The following COL28A1 variants were observed in gnomAD, a reference collection of about 807,000 sequenced individuals.
COL28A1 encodes collagen alpha-1(XXVIII) chain.
In COL28A1, 161 loss-of-function variants were observed where a neutral mutation model predicts 150.2. That is an observed-to-expected ratio of 1.07 (90% confidence interval 0.94 to 1.22). The LOEUF (loss-of-function observed/expected upper bound fraction) is 1.22. Ranked by LOEUF, COL28A1 falls within the 50% of genes most tolerant of loss-of-function variation. The pLI is 0.00. For synonymous variants in COL28A1, 552 were observed against 469.7 expected (o/e 1.18, Z -2.26); for missense variants, 1,617 against 1,388.3 (o/e 1.16, Z -2.62).
At chr7:7,421,165 A>G (rs1467060933) in intron 25 of COL28A1, among the ~76,000 whole-genome samples, 1 of 152,262 alleles carries the variant, frequency 6.6e-6, no homozygotes, top group Non-Finnish European at 1.5e-5. Flanking sequence ...AATAAATGCC[A>G]TAACATGAAT....
chr7:7,364,075 T>C (rs748157569), intron 33 of COL28A1, among the ~76,000 whole-genome samples: 1 of 152,180 alleles, frequency 6.6e-6, no homozygotes, highest in Non-Finnish European at 1.5e-5. Context: ...CTAGGAAAAG[T>C]TGGTCTCCAT....
Position 7,380,680 on chromosome 7 carries a change from T to C in COL28A1, c.2302A>G (p.Lys768Glu). 6.2e-7 allele frequency: 1 copy of C among 1,613,844 alleles called. No homozygotes were observed. Among genetic ancestry groups the C allele is most frequent in the Non-Finnish European group, 8.5e-7 (1 of 1,179,724 alleles). Reference sequence around the variant, plus strand: ...CTCACTGTAAGTCCTAGGTCTCCTTTGGGTCCTTGTAAACCCTACTTAGTG... The same window carrying C: ...CTCACTGTAAGTCCTAGGTCTCCTTCGGGTCCTTGTAAACCCTACTTAGTG... ...SPGKQGLQGP[K>E]GDLGLTKEEI... The change falls in exon 30 of 35, where the codon AAA becomes GAA. Residue 768 changes from lysine (K) to glutamate (E), a missense_variant. Physicochemically the swap from Lys to Glu is moderately conservative, Grantham distance 56. Transcript: ENST00000399429.
chr7:7,456,075 C>T lies in COL28A1; in HGVS notation c.1340G>A (p.Gly447Asp), dbSNP rs954369076. ...CCCTTGACTCCCGATTCCAGGGATA[C>T]CCATTGGTCCTTGGGGTCCCACAGG... ...IGPVGPQGPM[G>D]IPGIGSQGEQ... is the part of the protein sequence containing the mutation. Residue 447 changes from glycine to aspartate, a missense_variant, in exon 16 of 35, where the codon GGT (glycine) becomes GAT (aspartate). Transcript: ENST00000399429. The T allele has an allele frequency of 6.2e-7, 1 of 1,613,878 alleles. No individual in the cohort carries two copies. Among genetic ancestry groups the T allele is most frequent in the African/African-American group, 1.3e-5 (1 of 75,004 alleles).
intron 3 of COL28A1, among the ~76,000 whole-genome samples, chr7:7,525,397 G>A (rs1781967817): frequency 6.6e-6 from 1 of 152,214 alleles, no homozygotes; most frequent in Admixed American, 6.5e-5. Flanking sequence ...TACCTGACAA[G>A]TGCACTGAAG....
At chr7:7,517,587 G>T (rs746187163) in intron 7 of COL28A1, among the ~76,000 whole-genome samples, 3 of 152,104 alleles carry the variant, frequency 2.0e-5, no homozygotes, top group Non-Finnish European at 4.4e-5. Flanking sequence ...GAACACTCCT[G>T]CTCCCATTTT....
intron 27 of COL28A1, among the ~76,000 whole-genome samples, chr7:7,401,979 T>G (rs1005895567): frequency 6.6e-6 from 1 of 152,182 alleles, no homozygotes; most frequent in African/African-American, 2.4e-5. Context: ...ACATGCAGGA[T>G]TCAATGTTAA....
intron 15 of COL28A1, among the ~76,000 whole-genome samples, chr7:7,472,628 C>G (rs890985514): frequency 3.9e-5 from 6 of 152,090 alleles, no homozygotes; most frequent in African/African-American, 1.2e-4. Context: ...ATTGAAATTC[C>G]CATCAGAATA....
chr7:7,434,675 C>T (rs375311957), intron 23 of COL28A1, among the ~76,000 whole-genome samples: 12 of 152,274 alleles, frequency 7.9e-5, no homozygotes, highest in African/African-American at 2.6e-4. Flanking sequence ...GTCCTTGCTC[C>T]TGCAAAAATC....
intron 26 of COL28A1, among the ~76,000 whole-genome samples, chr7:7,418,296 T>C (rs1381324951): frequency 6.6e-6 from 1 of 152,188 alleles, no homozygotes. Context: ...TGGCTCCACA[T>C]AGCCTTAAGA....
intron 16 of COL28A1, among the ~76,000 whole-genome samples, chr7:7,454,475 C>T (rs1786973848): frequency 6.6e-6 from 1 of 151,976 alleles, no homozygotes; most frequent in African/African-American, 2.4e-5. Flanking sequence ...TCTGTAAGGA[C>T]ACATCTACCT....
At chr7:7,533,890 T>A (rs1467384722) in intron 1 of COL28A1, among the ~76,000 whole-genome samples, 1 of 152,174 alleles carries the variant, frequency 6.6e-6, no homozygotes, top group East Asian at 1.9e-4. Flanking sequence ...AATGCTTGCC[T>A]GCTGAAACTT....
chr7:7,443,680 G>A (rs1308321931), intron 19 of COL28A1, 27 bp from the exon 20 acceptor site: 1 of 1,613,548 alleles, frequency 6.2e-7, no homozygotes, highest in Admixed American at 1.7e-5. Flanking sequence ...TGATGTGTTA[G>A]CTGACCCTCC....
chr7:7,415,233 C>T (rs1191868193), intron 27 of COL28A1, among the ~76,000 whole-genome samples: 1 of 152,208 alleles, frequency 6.6e-6, no homozygotes, highest in Non-Finnish European at 1.5e-5. Context: ...TAAGCACACA[C>T]ACCTGCAAGC....
Position 7,478,785 on chromosome 7 carries a change from G to A in COL28A1, c.1165-1605C>T, listed in dbSNP as rs558049270. On this transcript the variant is annotated intron_variant, in intron 13 of 34. Transcript: ENST00000399429. Reference sequence around the variant, plus strand: ...GTGCACCCTCCGCAGCTGCTGGCGCGGGTGCTAAGCCTCTCACTGCCCGGG... The same window carrying A: ...GTGCACCCTCCGCAGCTGCTGGCGCAGGTGCTAAGCCTCTCACTGCCCGGG... 1.4e-4 allele frequency among the ~76,000 whole-genome samples: 21 copies of A among 152,382 alleles called. No individual in the cohort carries two copies. The South Asian group carries it at 2.5e-3, about 18-fold the overall frequency.
intron 27 of COL28A1, among the ~76,000 whole-genome samples, chr7:7,397,559 A>G (rs1329016439): frequency 6.6e-6 from 1 of 152,200 alleles, no homozygotes; most frequent in African/African-American, 2.4e-5. Context: ...TTCCATTTAG[A>G]TCATATCATG....
chr7:7,445,096 C>A (rs949909191), intron 18 of COL28A1, among the ~76,000 whole-genome samples: 4 of 152,132 alleles, frequency 2.6e-5, no homozygotes, highest in African/African-American at 9.7e-5. Context: ...GAGGCCTCCC[C>A]AAAAGTCAAG....
chr7:7,340,888 C>A, the COL28A1 span, among the ~76,000 whole-genome samples: 1 of 152,056 alleles, frequency 6.6e-6, no homozygotes. Context: ...ACTAGGAAGA[C>A]CTGGTTTGAA....
At chr7:7,517,765 T>C (rs1187799164) in intron 7 of COL28A1, 31 bp downstream of exon 7, 2 of 1,613,026 alleles carry the variant, frequency 1.2e-6, no homozygotes, top group East Asian at 4.5e-5. Flanking sequence ...AGGATCACTT[T>C]CTTAGGAAGG....
At position 7,524,258 on chromosome 7, in the gene COL28A1, G is replaced by GA; in HGVS notation, c.682-10dup. The GA allele has an allele frequency of 5.2e-6, 7 of 1,340,122 alleles. No homozygotes were observed. The highest frequency in any genetic ancestry group is 7.5e-6 in the Non-Finnish European group (7 of 931,000). 83.0% of individuals were successfully genotyped at this position (1,340,122 alleles called of 1,614,324 possible). Reference sequence around the variant, plus strand: ...TTTTCAAATAAGATATCCTACAAGGGAAAAAAGAATGAAGCATTAACTCGA... The same window carrying GA: ...TTTTCAAATAAGATATCCTACAAGGGAAAAAAAGAATGAAGCATTAACTCGA... On this transcript the variant is annotated splice_polypyrimidine_tract_variant and intron_variant, in intron 3 of 34. Coordinates refer to ENST00000399429, the MANE Select transcript of COL28A1 (RefSeq NM_001037763.3).
Sources: allele counts gnomAD v4.1 joint callset (sites outside exome capture counted in the v4.1 genomes callset), GRCh38; gene constraint gnomAD v4.1.1; transcripts MANE v1.5; gene names NCBI Gene and HGNC (gene_info 2026-07-23, HGNC 2026-07-21).